NCOR2: variants seen among roughly 807,000 people sequenced by gnomAD.
NCOR2 encodes the protein nuclear receptor corepressor 2, also known as CTG repeat protein 26.
NCOR2 carries 81 observed loss-of-function variants against 262.9 expected under a neutral mutation model. The observed-to-expected ratio is 0.31, with a 90% confidence interval of 0.26 to 0.37. NCOR2 has a LOEUF of 0.37. NCOR2 is among the 10% of genes least tolerant of loss of function. NCOR2 has a pLI of 1.00. For missense variants in NCOR2, 3,385 were observed against 3,621.4 expected, an observed-to-expected ratio of 0.93 and a Z score of 1.68; for synonymous variants, 1,659 against 1,559.3, an observed-to-expected ratio of 1.06 and a Z score of -1.51.
At chr12:124,456,458 C>T (rs1006108571) in intron 6 of NCOR2, among the ~76,000 whole-genome samples, 1 of 152,236 alleles carries the variant, frequency 6.6e-6, no homozygotes, top group Non-Finnish European at 1.5e-5. Context: ...GCTGACATGG[C>T]ATCTTTCCGC....
intron 38 of NCOR2, 153 bp from the exon 41 acceptor site, chr12:124,335,785 G>T: frequency 2.4e-6 from 2 of 827,256 alleles, no homozygotes; most frequent in Non-Finnish European, 3.7e-6. Flanking sequence ...CAGTAAGGCA[G>T]AGAGGGGTGT....
intron 32 of NCOR2, among the ~76,000 whole-genome samples, chr12:124,343,916 C>T (rs1285885274): frequency 6.6e-6 from 1 of 152,196 alleles, no homozygotes; most frequent in African/African-American, 2.4e-5. Context: ...GTGTGAGCCA[C>T]CATGCCTGGC....
In NCOR2 at chr12:124,457,788, G is replaced by T. The variant is rs866717657; in HGVS notation, c.706-626C>A. On this transcript the variant is annotated intron_variant, in intron 5 of 46. Transcript: ENST00000405201. The surrounding 1 kb of genome is among the most constrained non-coding windows in gnomAD (Gnocchi z 4.0). ...TCGGTGGCCGCTCCATCAATAGGCT[G>T]GACCTCCGGGCCCCCACCCCGGCCC... Among the ~76,000 whole-genome samples the T allele has an allele frequency of 8.5e-5, 13 of 152,054 alleles. No homozygotes were observed. The highest frequency in any genetic ancestry group is 2.4e-4 in the African/African-American group (10 of 41,456).
At chr12:124,405,811 A>G (rs114825879) in intron 13 of NCOR2, among the ~76,000 whole-genome samples, 3,545 of 152,282 alleles carry the variant, frequency 0.023, 127 homozygotes, top group African/African-American at 0.079. Context: ...TAGGGCAGCA[A>G]GTGCAGCAGC....
intron 3 of NCOR2, among the ~76,000 whole-genome samples, chr12:124,479,268 GCACACATGCATATA>G (rs1054399320): frequency 2.7e-5 from 4 of 148,092 alleles, no homozygotes; most frequent in Non-Finnish European, 6.0e-5. Context: ...ACAAACACAC[GCACACATGCATATA>G]CACACATGCA....
chr12:124,368,211 C>A (rs541601800), intron 20 of NCOR2, among the ~76,000 whole-genome samples: 1 of 152,216 alleles, frequency 6.6e-6, no homozygotes, highest in Admixed American at 6.5e-5. Context: ...CACGTGGGGC[C>A]GAGTGGGTCG....
chr12:124,435,940 C>G (rs1395474279), intron 8 of NCOR2, among the ~76,000 whole-genome samples: 1 of 152,240 alleles, frequency 6.6e-6, no homozygotes, highest in Non-Finnish European at 1.5e-5. Context: ...AAGCGCCCAC[C>G]TCGCAGGACT....
At chr12:124,414,686 G>A (rs1330580521) in intron 13 of NCOR2, among the ~76,000 whole-genome samples, 1 of 152,252 alleles carries the variant, frequency 6.6e-6, no homozygotes, top group Non-Finnish European at 1.5e-5. Context: ...GACGACATCG[G>A]GGAAGAGGCA....
chr12:124,505,994 C>T (rs967362970), intron 1 of NCOR2, among the ~76,000 whole-genome samples: 1 of 152,062 alleles, frequency 6.6e-6, no homozygotes, highest in African/African-American at 2.4e-5. Flanking sequence ...CCCATCTCTC[C>T]CCTCCTCTAG....
chr12:124,372,560 C>T, exon 20 of NCOR2: 2 of 1,597,064 alleles, frequency 1.3e-6, no homozygotes, highest in Non-Finnish European at 1.7e-6. Flanking sequence ...TTGGCGGCCT[C>T]AGTGTGAGGA....
chr12:124,485,140 T>C (rs555999844), intron 2 of NCOR2, among the ~76,000 whole-genome samples: 6 of 152,344 alleles, frequency 3.9e-5, no homozygotes, highest in African/African-American at 1.4e-4. Context: ...ATAGTGGCAC[T>C]GCAGTGGCTC....
At chr12:124,339,324 CATCCATCCATCT>C (rs1237385192) in intron 37 of NCOR2, among the ~76,000 whole-genome samples, 14 of 142,176 alleles carry the variant, frequency 9.8e-5, no homozygotes, top group Admixed American at 3.5e-4. Context: ...TCCATCCATC[CATCCATCCATCT>C]GGCTAACTCA....
At chr12:124,375,433 C>T (rs1052430396) in intron 18 of NCOR2, among the ~76,000 whole-genome samples, 9 of 152,170 alleles carry the variant, frequency 5.9e-5, no homozygotes, top group Non-Finnish European at 1.3e-4. Flanking sequence ...CACTATGCCC[C>T]GAGGTTTCTG....
At chr12:124,551,157 C>T (rs939893) in intron 1 of NCOR2, among the ~76,000 whole-genome samples, 24,273 of 152,036 alleles carry the variant, frequency 0.16, 2,206 homozygotes, top group Non-Finnish European at 0.2. Context: ...CTTAGGTCCT[C>T]ATTTTACATA....
chr12:124,448,768 G>A (rs2045344851), intron 7 of NCOR2, among the ~76,000 whole-genome samples: 1 of 152,224 alleles, frequency 6.6e-6, no homozygotes, highest in Admixed American at 6.5e-5. Context: ...TGGAAGGTTT[G>A]CACGCTTTCA....
chr12:124,348,118 TCCCCCCACCGCCCA>T (rs2037100665), intron 29 of NCOR2, 42 bp downstream of exon 31: 1 of 1,599,938 alleles, frequency 6.3e-7, no homozygotes, highest in African/African-American at 1.3e-5. Context: ...GGGTCAGCCA[TCCCCCCACCGCCCA>T]CCAGGGGGCA....
At chr12:124,463,105 G>A (rs1399583518) in intron 5 of NCOR2, among the ~76,000 whole-genome samples, 1 of 152,126 alleles carries the variant, frequency 6.6e-6, no homozygotes, top group Non-Finnish European at 1.5e-5. Flanking sequence ...GAATTCCTAC[G>A]GTACCAGCAA....
At chr12:124,449,486 C>T (rs1325923922) in intron 7 of NCOR2, among the ~76,000 whole-genome samples, 2 of 152,244 alleles carry the variant, frequency 1.3e-5, no homozygotes, top group African/African-American at 4.8e-5. Context: ...CCCGCAACAG[C>T]TCCCTCCTGC....
chr12:124,425,723 GC>G (rs933098740), intron 11 of NCOR2, among the ~76,000 whole-genome samples: 4 of 152,106 alleles, frequency 2.6e-5, no homozygotes, highest in African/African-American at 7.2e-5. Flanking sequence ...GCTCTGCACA[GC>G]CCCCCTCCCT....
Sources: allele counts gnomAD v4.1 joint callset (sites outside exome capture counted in the v4.1 genomes callset), GRCh38; gene constraint gnomAD v4.1.1; non-coding constraint Gnocchi (gnomAD v3.1); transcripts MANE v1.5; gene names NCBI Gene and HGNC (gene_info 2026-07-23, HGNC 2026-07-21).